The following SLCO1A2 variants were observed in gnomAD, a reference collection of about 807,000 sequenced individuals.
SLCO1A2 encodes the protein solute carrier organic anion transporter family member 1A2, also known as OATP-1.
A neutral mutation model predicts 69.0 loss-of-function variants in SLCO1A2; 67 were observed. That is an observed-to-expected ratio of 0.97 (90% CI 0.80 to 1.19). The LOEUF is 1.19. SLCO1A2 is among the 50% of genes most tolerant of loss of function. The probability of loss-of-function intolerance (pLI) is 0.00; values close to 1 mark genes in which losing one functional copy is unlikely to be tolerated. For missense variants in SLCO1A2, 787 were observed against 793.7 expected (o/e 0.99, Z 0.10); for synonymous variants, 260 against 265.9 (o/e 0.98, Z 0.22).
intron 3 of SLCO1A2, among the ~76,000 whole-genome samples, chr12:21,316,465 T>A (rs1358898114): frequency 6.6e-6 from 1 of 152,066 alleles, no homozygotes; most frequent in Non-Finnish European, 1.5e-5. Flanking sequence ...GCAAAGATCA[T>A]CAGTTATCTC....
intron 2 of SLCO1A2, among the ~76,000 whole-genome samples, chr12:21,359,935 C>T (rs1244042966): frequency 6.6e-6 from 1 of 151,972 alleles, no homozygotes; most frequent in African/African-American, 2.4e-5. Context: ...AATATATTCA[C>T]ACAATGAAAC....
At chr12:21,275,805 G>T (rs940763577) in intron 12 of SLCO1A2, among the ~76,000 whole-genome samples, 1 of 151,980 alleles carries the variant, frequency 6.6e-6, no homozygotes, top group Non-Finnish European at 1.5e-5. Context: ...AGCTGGGTGT[G>T]GTGGTGGGTG....
chr12:21,279,719 G>A (rs112225684), intron 12 of SLCO1A2, among the ~76,000 whole-genome samples: 3,316 of 152,246 alleles, frequency 0.022, 124 homozygotes, highest in African/African-American at 0.075. Context: ...CAATCAGAAA[G>A]GAAAGGATGT....
intron 1 of SLCO1A2, among the ~76,000 whole-genome samples, chr12:21,416,341 A>T (rs1414484229): frequency 7.1e-6 from 1 of 141,304 alleles, no homozygotes; most frequent in African/African-American, 2.7e-5. Context: ...ATGAAGATTC[A>T]CTATAGAATC....
intron 11 of SLCO1A2, among the ~76,000 whole-genome samples, chr12:21,293,598 T>C (rs1947257213): frequency 6.6e-6 from 1 of 150,976 alleles, no homozygotes; most frequent in Non-Finnish European, 1.5e-5. Flanking sequence ...TATATATGTA[T>C]ATATATATAG....
At chr12:21,400,014 A>G (rs1941633698), upstream of SLCO1A2, among the ~76,000 whole-genome samples, 1 of 151,828 alleles carries the variant, frequency 6.6e-6, no homozygotes. Flanking sequence ...ACAAAAGACA[A>G]AATTGACAAA....
intron 1 of SLCO1A2, among the ~76,000 whole-genome samples, chr12:21,389,090 A>G (rs1941030262): frequency 6.6e-6 from 1 of 152,332 alleles, no homozygotes; most frequent in South Asian, 2.1e-4. Context: ...TAGGAGCTGA[A>G]TAACCTAAAA....
chr12:21,318,835 T>C lies in SLCO1A2; in HGVS notation c.149A>G (p.Gln50Arg). Residue 50 changes from glutamine to arginine, a missense_variant, in exon 3 of 15, where the codon CAA becomes CGA. Transcript: ENST00000683939. ...AACTAGAGATGTTGGGATGTTGAAT[T>C]GTCTCTCTATTTGTGTGAGCATGGA... ...MNSMLTQIER[Q>R]FNIPTSLVGF... 1 of 1,611,436 alleles carries C rather than the reference T, an allele frequency of 6.2e-7. No homozygotes were observed.
At chr12:21,301,325 T>C in intron 6 of SLCO1A2, 56 bp from the exon 7 acceptor site, 1 of 1,167,790 alleles carries the variant, frequency 8.6e-7, no homozygotes, top group Non-Finnish European at 1.2e-6. Context: ...ACATAAAGAG[T>C]TCTAGGTCTA....
rs765508343 is a variant in SLCO1A2 at position 21,346,973 on chromosome 12, C to CAA, written c.-62-12266_-62-12265dup. Among the ~76,000 whole-genome samples the CAA allele has an allele frequency of 9.3e-4, 117 of 125,284 alleles. 3 individuals carry two copies. Among genetic ancestry groups the CAA allele is most frequent in the African/African-American group, 3.3e-3 (113 of 34,102 alleles). 82.2% of individuals were successfully genotyped at this position (125,284 alleles called of 152,430 possible). ...TATGTTCGGATTTGTTTCAAACATC[C>CAA]AAAAAAAAAAAAAGCCACTATTTAT... is the stretch of plus-strand genomic sequence containing the variant. On this transcript the variant is annotated intron_variant, in intron 2 of 15. Transcript: ENST00000307378.
chr12:21,283,120 A>G (rs1945110116), intron 12 of SLCO1A2, among the ~76,000 whole-genome samples: 1 of 152,148 alleles, frequency 6.6e-6, no homozygotes, highest in Non-Finnish European at 1.5e-5. Flanking sequence ...AAGTTATCCA[A>G]AGCAAAAAGA....
intron 2 of SLCO1A2, among the ~76,000 whole-genome samples, chr12:21,359,766 A>G (rs1182063223): frequency 3.3e-5 from 5 of 151,992 alleles, no homozygotes; most frequent in East Asian, 1.9e-4. Context: ...AAAAAAATCA[A>G]TGGACTTCTT....
At chr12:21,357,245 A>T (rs1938440449) in intron 2 of SLCO1A2, among the ~76,000 whole-genome samples, 1 of 152,086 alleles carries the variant, frequency 6.6e-6, no homozygotes, top group Non-Finnish European at 1.5e-5. Context: ...TTGAGACCCT[A>T]GTATAATATA....
intron 2 of SLCO1A2, among the ~76,000 whole-genome samples, chr12:21,358,694 A>G (rs2137037338): frequency 6.6e-6 from 1 of 152,148 alleles, no homozygotes; most frequent in South Asian, 2.1e-4. Context: ...GAAGTCTACA[A>G]ACAATAAATG....
intron 2 of SLCO1A2, chr12:21,372,926 A>G: frequency 4.5e-6 from 1 of 220,390 alleles, no homozygotes; most frequent in Non-Finnish European, 9.0e-6. Flanking sequence ...TCCAGTGGAT[A>G]CAAGCTTGGA....
upstream of SLCO1A2, among the ~76,000 whole-genome samples, chr12:21,399,006 T>C (rs1186243487): frequency 6.0e-5 from 9 of 149,866 alleles, no homozygotes; most frequent in African/African-American, 2.0e-4. Context: ...TTCAACAGAG[T>C]GTTGGAAGTT....
At chr12:21,303,288 A>C (rs74064514) in intron 6 of SLCO1A2, among the ~76,000 whole-genome samples, 2,149 of 152,304 alleles carry the variant, frequency 0.014, 50 homozygotes, top group African/African-American at 0.049. Context: ...TTGAATAAAG[A>C]AACAGATGTC....
Position 21,298,524 on chromosome 12 carries a change from T to G in SLCO1A2, c.911-956A>C, listed in dbSNP as rs561696944. On this transcript the variant is annotated intron_variant, in intron 8 of 14. Transcript: ENST00000683939. ...TCACAATTCATTCTGGAACAAAATTTCAATAAATAAACAATTTAGAAGAGG... is the reference window on the plus strand; with the variant it reads ...TCACAATTCATTCTGGAACAAAATTGCAATAAATAAACAATTTAGAAGAGG... 2.6e-5 allele frequency among the ~76,000 whole-genome samples: 4 copies of G among 152,256 alleles called. No homozygotes were observed. The South Asian group carries it at 8.3e-4, about 32-fold the overall frequency.
chr12:21,398,146 AAG>A (rs1236329601), upstream of SLCO1A2, among the ~76,000 whole-genome samples: 1 of 149,386 alleles, frequency 6.7e-6, no homozygotes, highest in African/African-American at 2.4e-5. Context: ...TAAAGAAAAA[AAG>A]AGAGAAGAAT....
Sources: gnomAD v4.1 joint callset for allele counts (sites outside exome capture counted in the v4.1 genomes callset) on GRCh38, gnomAD v4.1.1 for gene constraint, MANE v1.5 for transcripts, NCBI Gene and HGNC (gene_info 2026-07-23, HGNC 2026-07-21) for gene names.